Variants in STPG4 observed in about 807,000 individuals in gnomAD.
STPG4 encodes the protein sperm-tail PG-rich repeat containing 4.
Under a neutral mutation model 31.5 loss-of-function variants are expected in STPG4, and 41 were observed. The ratio of observed to expected loss-of-function variants is 1.30; its 90% CI spans 1.01 to 1.69. The LOEUF (loss-of-function observed/expected upper bound fraction) is 1.69, where lower values mean the gene tolerates loss of function less well. STPG4 is among the 40% of genes most tolerant of loss of function. STPG4 has a pLI of 0.00. For synonymous variants in STPG4, 141 were observed against 103.0 expected, an observed-to-expected ratio of 1.37 and a Z score of -2.24; for missense variants, 375 against 293.4, an observed-to-expected ratio of 1.28 and a Z score of -2.03.
intron 3 of STPG4, among the ~76,000 whole-genome samples, chr2:47,141,200 G>T (rs1056989810): frequency 1.3e-5 from 2 of 151,902 alleles, no homozygotes; most frequent in African/African-American, 2.4e-5. Flanking sequence ...TCCAGGTCTT[G>T]ATAGAAATTT....
chr2:47,117,366 C>T (rs750141191), intron 5 of STPG4, among the ~76,000 whole-genome samples: 9 of 152,156 alleles, frequency 5.9e-5, no homozygotes, highest in Non-Finnish European at 1.2e-4. Context: ...TGCACCACCA[C>T]ACCTGGCTAA....
intron 6 of STPG4, among the ~76,000 whole-genome samples, chr2:47,088,340 C>T (rs771607280): frequency 6.6e-5 from 10 of 152,334 alleles, no homozygotes; most frequent in South Asian, 2.1e-4. Flanking sequence ...TTTCTTAGGT[C>T]GGTGTCTTCC....
At chr2:47,121,281 C>T (rs1484380783) in intron 5 of STPG4, 1 of 153,942 alleles carries the variant, frequency 6.5e-6, no homozygotes, top group African/African-American at 2.4e-5. Flanking sequence ...GGGACTGCAC[C>T]ACAGATCTGG....
intron 5 of STPG4, among the ~76,000 whole-genome samples, chr2:47,117,945 G>C (rs556775239): frequency 1.4e-5 from 2 of 147,238 alleles, no homozygotes; most frequent in African/African-American, 5.3e-5. Context: ...TTTTTTAATA[G>C]AGATGAGGTC....
rs571788602 is a variant in STPG4, at chr2:47,151,680, C to T, written c.142-165G>A. 2.8e-4 allele frequency among the ~76,000 whole-genome samples: 43 copies of T among 152,152 alleles called. 1 individual carries two copies. The South Asian group carries it at 8.9e-3, about 32-fold the overall frequency. ...TCTTGACAGAAGAGTATTTCAAAAT[C>T]ATGATTATTTCCTTTCTGAAATAAT... On this transcript the variant is annotated intron_variant, in intron 2 of 6. Coordinates refer to ENST00000445927, the MANE Select transcript of STPG4 (RefSeq NM_001163561.2).
intron 5 of STPG4, among the ~76,000 whole-genome samples, chr2:47,122,239 C>T (rs1469947983): frequency 6.6e-6 from 1 of 152,088 alleles, no homozygotes; most frequent in Non-Finnish European, 1.5e-5. Context: ...TGCTATTAAT[C>T]CTTTATCTGT....
intron 6 of STPG4, among the ~76,000 whole-genome samples, chr2:47,089,319 T>C (rs1342233791): frequency 1.3e-5 from 2 of 152,190 alleles, no homozygotes; most frequent in African/African-American, 4.8e-5. Context: ...ATTATCACTC[T>C]AGATAAAGGC....
At chr2:47,150,092 G>A (rs1477261049) in intron 3 of STPG4, among the ~76,000 whole-genome samples, 1 of 152,218 alleles carries the variant, frequency 6.6e-6, no homozygotes, top group Non-Finnish European at 1.5e-5. Context: ...TTTCTTGCAT[G>A]TAAAATGGAG....
chr2:47,106,624 TTAGG>T (rs1196633206), intron 5 of STPG4, among the ~76,000 whole-genome samples: 2 of 151,968 alleles, frequency 1.3e-5, no homozygotes, highest in African/African-American at 4.8e-5. Context: ...CTGCACCTTC[TTAGG>T]GGAAGAGTGT....
intron 5 of STPG4, among the ~76,000 whole-genome samples, chr2:47,117,925 T>C (rs898452914): frequency 1.1e-5 from 1 of 88,730 alleles, no homozygotes; most frequent in African/African-American, 5.0e-5. Context: ...CATATATATA[T>C]ATATATTTTT....
chr2:47,137,134 T>C (rs1686612920), intron 3 of STPG4, among the ~76,000 whole-genome samples: 1 of 152,218 alleles, frequency 6.6e-6, no homozygotes, highest in Non-Finnish European at 1.5e-5. Context: ...TTTTTGTAGA[T>C]ACTCTTTATC....
chr2:47,120,866 G>C (rs751477089), intron 5 of STPG4: 1 of 152,134 alleles, frequency 6.6e-6, no homozygotes, highest in Non-Finnish European at 1.5e-5. Flanking sequence ...GTCCCTAAGA[G>C]GGGGTTCCTG....
At chr2:47,098,942 C>T (rs1225798903) in intron 5 of STPG4, among the ~76,000 whole-genome samples, 2 of 152,102 alleles carry the variant, frequency 1.3e-5, no homozygotes, top group African/African-American at 4.8e-5. Flanking sequence ...GGGTCATATA[C>T]GCTGGTGGAT....
intron 5 of STPG4, among the ~76,000 whole-genome samples, chr2:47,108,225 G>C (rs1164617019): frequency 2.0e-5 from 3 of 151,512 alleles, no homozygotes; most frequent in Non-Finnish European, 4.4e-5. Context: ...GGATGTGGGT[G>C]GGGCCAGATA....
At chr2:47,126,508 G>T (rs1686368733) in intron 5 of STPG4, among the ~76,000 whole-genome samples, 1 of 152,026 alleles carries the variant, frequency 6.6e-6, no homozygotes, top group Non-Finnish European at 1.5e-5. Context: ...TAAATTTTTT[G>T]TAGAGATGGA....
intron 5 of STPG4, among the ~76,000 whole-genome samples, chr2:47,113,156 G>T (rs567667302): frequency 7.6e-4 from 115 of 152,182 alleles, no homozygotes; most frequent in African/African-American, 2.5e-3. Flanking sequence ...TGAGGTAGTG[G>T]GCATTGATAA....
At chr2:47,098,175 T>C (rs1685712917) in intron 5 of STPG4, among the ~76,000 whole-genome samples, 1 of 152,210 alleles carries the variant, frequency 6.6e-6, no homozygotes, top group Non-Finnish European at 1.5e-5. Context: ...GGTGCTGGTC[T>C]TCCAGGCCTC....
chr2:47,087,346 G>C (rs550859953), intron 6 of STPG4, among the ~76,000 whole-genome samples: 300 of 152,346 alleles, frequency 2.0e-3, no homozygotes, highest in African/African-American at 6.9e-3. Flanking sequence ...GAGGCTGGAG[G>C]GGGGCTAACA....
intron 5 of STPG4, among the ~76,000 whole-genome samples, chr2:47,104,045 C>T (rs892772248): frequency 7.9e-5 from 12 of 151,972 alleles, no homozygotes; most frequent in African/African-American, 2.9e-4. Context: ...GAAAGTCCCA[C>T]ACCCTTATTA....
Sources: gnomAD v4.1 joint callset for allele counts (sites outside exome capture counted in the v4.1 genomes callset) on GRCh38, gnomAD v4.1.1 for gene constraint, MANE v1.5 for transcripts, NCBI Gene and HGNC (gene_info 2026-07-23, HGNC 2026-07-21) for gene names.